The following TUB variants were observed in gnomAD, a reference collection of about 807,000 sequenced individuals.
TUB encodes tubby protein homolog.
In TUB, 33 loss-of-function variants were observed where a neutral mutation model predicts 59.7. That is an observed-to-expected ratio of 0.55 (90% CI 0.42 to 0.74). The LOEUF (loss-of-function observed/expected upper bound fraction) is 0.74. Among genes scored for constraint, TUB ranks in the 30% least tolerant of loss-of-function variants. The pLI is 0.00. For synonymous variants in TUB, 293 were observed against 256.4 expected (o/e 1.14, Z -1.36); for missense variants, 659 against 672.0 (o/e 0.98, Z 0.21).
chr11:8,067,044 A>T (rs1943256835), intron 2 of TUB, among the ~76,000 whole-genome samples: 1 of 152,124 alleles, frequency 6.6e-6, no homozygotes, highest in African/African-American at 2.4e-5. Context: ...CGCTCCAGGC[A>T]GCTCCACTCC....
In TUB at chr11:8,106,209, A is replaced by G. The variant is rs1309988649; in HGVS notation, c.*4590A>G. Reference sequence around the variant, plus strand: ...ATTTAGTGTTTGTCTAAGTACACACATATATCAACAAATTAAACTTGAATC... The same window carrying G: ...ATTTAGTGTTTGTCTAAGTACACACGTATATCAACAAATTAAACTTGAATC... On this transcript the variant is annotated 3_prime_UTR_variant, in exon 12 of 12. Coordinates refer to ENST00000299506, the MANE Select transcript of TUB (RefSeq NM_177972.3). 6.6e-6 allele frequency: 1 copy of G among 152,168 alleles called. No homozygotes were observed. The highest frequency in any genetic ancestry group is 1.5e-5 in the Non-Finnish European group (1 of 67,986). The allele number at this position is 152,168 out of a possible 1,614,324, so 9.4% of individuals were successfully genotyped here.
intron 1 of TUB, chr11:8,019,498 C>A: frequency 1.2e-6 from 1 of 824,076 alleles, no homozygotes; most frequent in Non-Finnish European, 1.6e-6. Flanking sequence ...CCTCGGGCAT[C>A]CGGGACCCAG....
intron 4 of TUB, among the ~76,000 whole-genome samples, chr11:8,094,553 G>C (rs1943900189): frequency 6.6e-6 from 1 of 152,214 alleles, no homozygotes; most frequent in Non-Finnish European, 1.5e-5. Flanking sequence ...GGGGCTGACT[G>C]CTTCCCAGGC....
intron 1 of TUB, among the ~76,000 whole-genome samples, chr11:8,028,011 C>A (rs542905845): frequency 1.3e-5 from 2 of 152,218 alleles, no homozygotes; most frequent in African/African-American, 4.8e-5. Flanking sequence ...TTTGAGAAAC[C>A]GTGAAACTGT....
upstream of TUB, among the ~76,000 whole-genome samples, chr11:8,079,713 G>GGT (rs1176497748): frequency 2.8e-4 from 39 of 140,532 alleles, no homozygotes; most frequent in Non-Finnish European, 4.0e-4. Flanking sequence ...TGTGTGTAGG[G>GGT]GTGTGTGTGT....
chr11:8,065,245 G>T lies in TUB; in HGVS notation c.204-24365G>T, dbSNP rs558357548. On this transcript the variant is annotated intron_variant, in intron 2 of 12. Coordinates refer to the TUB transcript ENST00000305253. ...TCTTGGGCCCACTAAGGTCCTCCAG[G>T]CTTTGGGAAGGAAGCAGACTCCCTT... 1.4e-4 allele frequency among the ~76,000 whole-genome samples: 21 copies of T among 152,292 alleles called. No individual in the cohort carries two copies. In the East Asian group the frequency reaches 4.1e-3, roughly 29 times the overall value.
At chr11:8,057,925 G>A (rs1943045005) in intron 2 of TUB, among the ~76,000 whole-genome samples, 1 of 152,088 alleles carries the variant, frequency 6.6e-6, no homozygotes, top group African/African-American at 2.4e-5. Flanking sequence ...AGTTGTTATG[G>A]AGGCCTGTGT....
intron 4 of TUB, among the ~76,000 whole-genome samples, chr11:8,095,267 C>T (rs141878296): frequency 3.7e-4 from 56 of 152,290 alleles, no homozygotes; most frequent in African/African-American, 1.3e-3. Context: ...GTAAACCAAC[C>T]CTCGGCAATT....
intron 1 of TUB, among the ~76,000 whole-genome samples, chr11:8,029,664 CA>C (rs1459232044): frequency 6.6e-6 from 1 of 151,690 alleles, no homozygotes; most frequent in East Asian, 1.9e-4. Flanking sequence ...GCTGGGATTA[CA>C]GGTATGAGCC....
chr11:8,060,766 G>A (rs1273323044), intron 2 of TUB, among the ~76,000 whole-genome samples: 1 of 152,208 alleles, frequency 6.6e-6, no homozygotes, highest in African/African-American at 2.4e-5. Flanking sequence ...CTGGGCCAGA[G>A]GATCCCTTAT....
chr11:8,056,181 C>T (rs986243244), intron 2 of TUB, among the ~76,000 whole-genome samples: 1 of 152,314 alleles, frequency 6.6e-6, no homozygotes, highest in East Asian at 1.9e-4. Flanking sequence ...GGCCTGACCT[C>T]CAGGGAAGCA....
chr11:8,092,453 C>T (rs1048502584), intron 3 of TUB, among the ~76,000 whole-genome samples: 15 of 152,086 alleles, frequency 9.9e-5, no homozygotes, highest in Middle Eastern at 3.2e-3. Context: ...GTTACCTGCT[C>T]GCTTGTGACT....
At chr11:8,070,545 T>C (rs1036621509) in intron 2 of TUB, among the ~76,000 whole-genome samples, 1 of 152,228 alleles carries the variant, frequency 6.6e-6, no homozygotes, top group African/African-American at 2.4e-5. Flanking sequence ...TCAGGTCCAG[T>C]ACAGTAATCA....
chr11:8,081,745 C>G (rs1291071836), intron 1 of TUB, among the ~76,000 whole-genome samples, 197 bp downstream of exon 1: 1 of 152,350 alleles, frequency 6.6e-6, no homozygotes, highest in African/African-American at 2.4e-5. Flanking sequence ...CGCTCCACCC[C>G]CTTATCTGCC....
chr11:8,046,394 A>G (rs1421384214), intron 2 of TUB, among the ~76,000 whole-genome samples: 1 of 152,090 alleles, frequency 6.6e-6, no homozygotes, highest in African/African-American at 2.4e-5. Flanking sequence ...TACATTCCCA[A>G]CTGGATATCA....
At position 8,102,845 on chromosome 11, in the gene TUB, C is replaced by G. The variant is rs991456150; in HGVS notation, c.*1226C>G. On this transcript the variant is annotated 3_prime_UTR_variant, in exon 12 of 12. Transcript: ENST00000299506. ...CACCTAGCTGGTTAATGGCAGCATT[C>G]AGAACTTCAAGTTCTCTTGATTTCT... 1.3e-5 allele frequency: 2 copies of G among 152,228 alleles called. No homozygotes were observed. The highest frequency in any genetic ancestry group is 1.3e-4 in the Admixed American group (2 of 15,286). 9.4% of individuals were successfully genotyped at this position (152,228 alleles called of 1,614,324 possible).
chr11:8,026,485 T>G (rs888617754), intron 1 of TUB, among the ~76,000 whole-genome samples: 2 of 132,500 alleles, frequency 1.5e-5, no homozygotes, highest in African/African-American at 5.4e-5. Context: ...AAAAAAAAAA[T>G]GGGTATCTAA....
intron 9 of TUB, among the ~76,000 whole-genome samples, chr11:8,099,195 C>T (rs1014897417): frequency 5.3e-5 from 8 of 152,100 alleles, no homozygotes; most frequent in African/African-American, 1.9e-4. Flanking sequence ...CCAGATCATC[C>T]CTCTGGCATG....
chr11:8,080,789 G>A (rs1288573746), upstream of TUB, among the ~76,000 whole-genome samples: 1 of 152,178 alleles, frequency 6.6e-6, no homozygotes, highest in Non-Finnish European at 1.5e-5. Context: ...TCGGAGGTGG[G>A]GGTGAGGGAA....
Sources: allele counts gnomAD v4.1 joint callset (sites outside exome capture counted in the v4.1 genomes callset), GRCh38; gene constraint gnomAD v4.1.1; transcripts MANE v1.5; gene names NCBI Gene and HGNC (gene_info 2026-07-23, HGNC 2026-07-21).